Variants in SMARCC1 observed in about 807,000 individuals in gnomAD.
The protein encoded by SMARCC1 is SWI/SNF complex subunit SMARCC1.
SMARCC1 carries 43 observed loss-of-function variants against 147.4 expected under a neutral mutation model. The ratio of observed to expected loss-of-function variants is 0.29; its 90% CI spans 0.23 to 0.38. The LOEUF (loss-of-function observed/expected upper bound fraction) is 0.38. Ranked by LOEUF, SMARCC1 falls within the 10% of genes least tolerant of loss-of-function variation. The pLI, the probability that SMARCC1 is intolerant of heterozygous loss-of-function variation, is 1.00. For synonymous variants in SMARCC1, 495 were observed against 484.4 expected (o/e 1.02, Z -0.29); for missense variants, 1,119 against 1,381.1 (o/e 0.81, Z 3.01).
At chr3:47,636,170 GAACAAAAA>G in intron 22 of SMARCC1, 34 bp from the exon 23 acceptor site, 1 of 1,218,160 alleles carries the variant, frequency 8.2e-7, no homozygotes, top group Non-Finnish European at 1.2e-6. Context: ...GACAGGCAGT[GAACAAAAA>G]AACCCCAGAC....
intron 13 of SMARCC1, among the ~76,000 whole-genome samples, chr3:47,688,289 T>C (rs1198344078): frequency 7.5e-6 from 1 of 133,120 alleles, no homozygotes; most frequent in Non-Finnish European, 1.6e-5. Flanking sequence ...AAGTGGCTCT[T>C]TGACTAAATA....
intron 27 of SMARCC1, 39 bp downstream of exon 27, chr3:47,590,622 G>A (rs772705572): frequency 6.8e-6 from 10 of 1,469,518 alleles, no homozygotes; most frequent in South Asian, 3.0e-5. Context: ...CCTCCAGAAC[G>A]GACCCTGAGA....
intron 21 of SMARCC1, among the ~76,000 whole-genome samples, chr3:47,645,719 C>T (rs1025694503): frequency 6.6e-6 from 1 of 152,112 alleles, no homozygotes; most frequent in Non-Finnish European, 1.5e-5. Context: ...TTTTTTGTCT[C>T]GCAAAGATAT....
chr3:47,697,287 A>G (rs1559647954), intron 11 of SMARCC1, among the ~76,000 whole-genome samples: 5 of 150,078 alleles, frequency 3.3e-5, no homozygotes, highest in Non-Finnish European at 4.4e-5. Flanking sequence ...TGGGCGAAAG[A>G]GCGAGAGATC....
chr3:47,659,860 A>G, intron 21 of SMARCC1, among the ~76,000 whole-genome samples: 1 of 152,174 alleles, frequency 6.6e-6, no homozygotes, highest in South Asian at 2.1e-4. Context: ...CAATGCAAAT[A>G]CAAACCCCAA....
intron 24 of SMARCC1, among the ~76,000 whole-genome samples, chr3:47,629,130 A>T (rs1487940354): frequency 1.3e-5 from 2 of 152,204 alleles, no homozygotes; most frequent in Non-Finnish European, 2.9e-5. Flanking sequence ...GCCATCAACG[A>T]TGACTGCTCT....
intron 15 of SMARCC1, 172 bp from the exon 16 acceptor site, chr3:47,678,483 C>G: frequency 2.4e-6 from 1 of 417,718 alleles, no homozygotes. Context: ...GAATTTAGAA[C>G]CACGAATATG....
At chr3:47,654,464 T>C (rs2106726084) in intron 21 of SMARCC1, among the ~76,000 whole-genome samples, 1 of 152,378 alleles carries the variant, frequency 6.6e-6, no homozygotes, top group Non-Finnish European at 1.5e-5. Flanking sequence ...GTTGGTACTC[T>C]AGGTGTAACC....
At chr3:47,679,118 CT>C (rs2033608219) in intron 15 of SMARCC1, among the ~76,000 whole-genome samples, 1 of 151,472 alleles carries the variant, frequency 6.6e-6, no homozygotes, top group Admixed American at 6.6e-5. Flanking sequence ...ACTTTGAGAC[CT>C]AGCAACAGTT....
chr3:47,680,769 G>C (rs921483721), intron 14 of SMARCC1, among the ~76,000 whole-genome samples: 2 of 151,614 alleles, frequency 1.3e-5, no homozygotes, highest in African/African-American at 4.8e-5. Flanking sequence ...GGATGGTCTC[G>C]ATCTCCTGAC....
At chr3:47,618,365 G>A (rs2032676033) in intron 25 of SMARCC1, among the ~76,000 whole-genome samples, 2 of 150,262 alleles carry the variant, frequency 1.3e-5, no homozygotes, top group Admixed American at 6.6e-5. Flanking sequence ...AACATGGCAA[G>A]ATCTTGTCAA....
intron 26 of SMARCC1, among the ~76,000 whole-genome samples, chr3:47,598,194 T>C (rs992612619): frequency 1.3e-5 from 2 of 152,190 alleles, no homozygotes; most frequent in African/African-American, 4.8e-5. Flanking sequence ...AAATCACTAC[T>C]AATGATTCTC....
At chr3:47,620,491 GTTT>G (rs1283270701) in intron 25 of SMARCC1, among the ~76,000 whole-genome samples, 1 of 150,774 alleles carries the variant, frequency 6.6e-6, no homozygotes, top group Non-Finnish European at 1.5e-5. Flanking sequence ...ATTTGTTTTT[GTTT>G]TTTTTCCACT....
intron 19 of SMARCC1, among the ~76,000 whole-genome samples, chr3:47,669,097 T>C (rs1023645119): frequency 2.0e-5 from 3 of 152,238 alleles, no homozygotes; most frequent in Non-Finnish European, 4.4e-5. Context: ...AGAAGTCTTT[T>C]ATTTCTCTTT....
At chr3:47,769,485 C>T (rs553977036) in intron 2 of SMARCC1, among the ~76,000 whole-genome samples, 8 of 151,972 alleles carry the variant, frequency 5.3e-5, no homozygotes, top group South Asian at 4.2e-4. Flanking sequence ...CCTCAGCCTC[C>T]CAAAGTGCTG....
Position 47,633,766 on chromosome 3 carries a change from ATAT to A in SMARCC1, c.2646+1421_2646+1423del, listed in dbSNP as rs1559630507. On this transcript the variant is annotated intron_variant, in intron 24 of 27. Coordinates refer to ENST00000254480, the MANE Select transcript of SMARCC1 (RefSeq NM_003074.4). ...CAAAAAAAAAAAAAAAAAAAAAAAT[ATAT>A]ATATATATATACACACACACACACA... Among the ~76,000 whole-genome samples the A allele has an allele frequency of 1.9e-3, 21 of 10,922 alleles. 3 individuals are homozygous for A. Among genetic ancestry groups the A allele is most frequent in the African/African-American group, 2.6e-3 (13 of 4,908 alleles). 7.2% of individuals were successfully genotyped at this position (10,922 alleles called of 152,430 possible).
chr3:47,730,683 TG>T (rs2034363288), intron 5 of SMARCC1, among the ~76,000 whole-genome samples: 1 of 151,852 alleles, frequency 6.6e-6, no homozygotes, highest in Admixed American at 6.6e-5. Context: ...CTAGCCAACG[TG>T]GTGAAACGCG....
At chr3:47,773,281 C>T (rs1231622240) in intron 1 of SMARCC1, among the ~76,000 whole-genome samples, 1 of 151,958 alleles carries the variant, frequency 6.6e-6, no homozygotes. Context: ...GTATGAGCCA[C>T]TACCCCCAAC....
At chr3:47,705,619 T>A (rs1015676145) in intron 10 of SMARCC1, among the ~76,000 whole-genome samples, 4 of 152,128 alleles carry the variant, frequency 2.6e-5, no homozygotes, top group African/African-American at 9.7e-5. Context: ...GAGAGGAAAG[T>A]CTATATAAGG....
Sources: gnomAD v4.1 joint callset for allele counts (sites outside exome capture counted in the v4.1 genomes callset) on GRCh38, gnomAD v4.1.1 for gene constraint, MANE v1.5 for transcripts, NCBI Gene and HGNC (gene_info 2026-07-23, HGNC 2026-07-21) for gene names.